Variants in KCNIP1 observed in about 807,000 individuals in gnomAD.
KCNIP1 encodes the protein A-type potassium channel modulatory protein KCNIP1.
Under a neutral mutation model 33.0 loss-of-function variants are expected in KCNIP1, and 18 were observed. The observed-to-expected ratio is 0.55, with a 90% CI of 0.38 to 0.81. The LOEUF is 0.81. Ranked by LOEUF, KCNIP1 falls within the 30% of genes least tolerant of loss-of-function variation. KCNIP1 has a pLI of 0.00. For synonymous variants in KCNIP1, 93 were observed against 98.3 expected (o/e 0.95, Z 0.32); for missense variants, 238 against 271.6 (o/e 0.88, Z 0.87).
intron 5 of KCNIP1, among the ~76,000 whole-genome samples, chr5:170,726,745 C>CAAAAAAA (rs57173351): frequency 0.25 from 14,218 of 56,024 alleles, 1,563 homozygotes; most frequent in East Asian, 0.74. Context: ...ACTAAAAATA[C>CAAAAAAA]AAAAAAAAAA....
intron 1 of KCNIP1, among the ~76,000 whole-genome samples, chr5:170,564,719 A>G (rs368664782): frequency 2.0e-5 from 3 of 152,256 alleles, no homozygotes; most frequent in East Asian, 1.9e-4. Flanking sequence ...AGAAGCCTGC[A>G]TGTGGTTTGT....
intron 1 of KCNIP1, among the ~76,000 whole-genome samples, chr5:170,709,310 A>G (rs1239004918): frequency 6.6e-6 from 1 of 152,002 alleles, no homozygotes; most frequent in African/African-American, 2.4e-5. Flanking sequence ...TCTTTGCTTT[A>G]TTTGTATTTT....
chr5:170,664,473 T>C (rs987360886), intron 1 of KCNIP1, among the ~76,000 whole-genome samples: 3 of 152,116 alleles, frequency 2.0e-5, no homozygotes, highest in African/African-American at 7.2e-5. Context: ...CCCATTCGTT[T>C]CTGTACCCTC....
intron 1 of KCNIP1, among the ~76,000 whole-genome samples, chr5:170,598,889 C>CTGTGTGTGTGCGCGTG (rs1193319687): frequency 7.1e-6 from 1 of 141,732 alleles, no homozygotes; most frequent in African/African-American, 2.7e-5. Flanking sequence ...CATAGCCCCG[C>CTGTGTGTGTGCGCGTG]TGTGTGTGTG....
intron 1 of KCNIP1, among the ~76,000 whole-genome samples, chr5:170,682,211 C>T (rs1762375692): frequency 6.6e-6 from 1 of 152,152 alleles, no homozygotes; most frequent in Non-Finnish European, 1.5e-5. Flanking sequence ...CACTTTCTAT[C>T]CATAATCTGT....
chr5:170,589,970 T>TA (rs1322848530), intron 1 of KCNIP1, among the ~76,000 whole-genome samples: 1 of 152,108 alleles, frequency 6.6e-6, no homozygotes, highest in African/African-American at 2.4e-5. Context: ...TCATCTCCCC[T>TA]AGTGTTCCTT....
At chr5:170,537,266 G>A (rs886433264) in intron 1 of KCNIP1, among the ~76,000 whole-genome samples, 7 of 152,158 alleles carry the variant, frequency 4.6e-5, no homozygotes, top group Admixed American at 6.5e-5. Context: ...GTGTGACCTC[G>A]GACAAGTCAC....
At chr5:170,418,837 A>G (rs1755401285) in intron 1 of KCNIP1, among the ~76,000 whole-genome samples, 1 of 152,188 alleles carries the variant, frequency 6.6e-6, no homozygotes. Flanking sequence ...GCAGCTATCC[A>G]TACAAGTTCC....
intron 1 of KCNIP1, among the ~76,000 whole-genome samples, chr5:170,602,410 G>A (rs1185888434): frequency 2.0e-5 from 3 of 152,248 alleles, no homozygotes; most frequent in Non-Finnish European, 4.4e-5. Flanking sequence ...GAAGAGGACG[G>A]GATGCCTGGC....
chr5:170,633,186 G>T (rs1318433492), intron 1 of KCNIP1, among the ~76,000 whole-genome samples: 1 of 152,074 alleles, frequency 6.6e-6, no homozygotes, highest in East Asian at 1.9e-4. Flanking sequence ...GGTGTGGGGC[G>T]CCACCTGGCG....
chr5:170,631,846 C>T (rs775490120), intron 1 of KCNIP1, among the ~76,000 whole-genome samples: 1 of 152,154 alleles, frequency 6.6e-6, no homozygotes, highest in Admixed American at 6.5e-5. Context: ...AGAGTAGCGC[C>T]GACAACAGCC....
chr5:170,591,680 C>T (rs912726604), intron 1 of KCNIP1, among the ~76,000 whole-genome samples: 8 of 152,124 alleles, frequency 5.3e-5, no homozygotes, highest in Non-Finnish European at 7.4e-5. Context: ...CTAGGTACCT[C>T]GTATAATTGG....
At chr5:170,455,568 C>A (rs760986646) in intron 1 of KCNIP1, among the ~76,000 whole-genome samples, 3 of 152,194 alleles carry the variant, frequency 2.0e-5, no homozygotes, top group Non-Finnish European at 4.4e-5. Context: ...GGCCACAAAA[C>A]AAGCTTCGAT....
intron 1 of KCNIP1, among the ~76,000 whole-genome samples, chr5:170,398,103 T>C (rs533666478): frequency 1.4e-4 from 22 of 152,308 alleles, no homozygotes; most frequent in African/African-American, 5.1e-4. Flanking sequence ...CGTTAAATGC[T>C]GGTCAGCTTT....
At chr5:170,388,095 G>A (rs1048177819) in intron 1 of KCNIP1, among the ~76,000 whole-genome samples, 2 of 152,228 alleles carry the variant, frequency 1.3e-5, no homozygotes, top group Non-Finnish European at 2.9e-5. Context: ...GGGCACTCCT[G>A]AGGCTGGTGA....
chr5:170,633,071 T>C (rs1263215583), intron 1 of KCNIP1, among the ~76,000 whole-genome samples: 1 of 152,060 alleles, frequency 6.6e-6, no homozygotes, highest in African/African-American at 2.4e-5. Context: ...GACATCCTCC[T>C]TTGAGCAGGG....
chr5:170,464,748 C>T (rs1160935824), intron 1 of KCNIP1, among the ~76,000 whole-genome samples: 3 of 152,122 alleles, frequency 2.0e-5, no homozygotes, highest in Non-Finnish European at 2.9e-5. Flanking sequence ...TGAGTTTCTT[C>T]GACACAGGAC....
At chr5:170,661,293 G>A (rs1331212175) in intron 1 of KCNIP1, among the ~76,000 whole-genome samples, 1 of 152,212 alleles carries the variant, frequency 6.6e-6, no homozygotes, top group Non-Finnish European at 1.5e-5. Flanking sequence ...GTGGGGACAC[G>A]TGAGTATGTG....
In KCNIP1 at chr5:170,485,813, CT is replaced by C. The variant is rs1276240918; in HGVS notation, c.88+131850del. ...CCCCCAGCCCCAGCCCCAGCCCCAGCTGGGCTCAAACTAATTGAAAACAGAC... is the reference window on the plus strand; with the variant it reads ...CCCCCAGCCCCAGCCCCAGCCCCAGCGGGCTCAAACTAATTGAAAACAGAC... On this transcript the variant is annotated intron_variant, in intron 1 of 7. Transcript: ENST00000377360. 9 of 153,070 alleles carry C rather than the reference CT, an allele frequency of 5.9e-5. No homozygotes were observed. The East Asian group carries it at 1.5e-3, about 26-fold the overall frequency. 9.5% of individuals were successfully genotyped at this position (153,070 alleles called of 1,614,324 possible). A position where few individuals can be genotyped will look rare whatever the true frequency, so the allele number is the denominator to read the frequency against.
Sources: gnomAD v4.1 joint callset for allele counts (sites outside exome capture counted in the v4.1 genomes callset) on GRCh38, gnomAD v4.1.1 for gene constraint, MANE v1.5 for transcripts, NCBI Gene and HGNC (gene_info 2026-07-23, HGNC 2026-07-21) for gene names.